Variants in ZNF385B observed in about 807,000 individuals in gnomAD.
ZNF385B encodes the protein zinc finger protein 533.
A neutral mutation model predicts 39.2 loss-of-function variants in ZNF385B; 23 were observed. The ratio of observed to expected loss-of-function variants is 0.59; its 90% CI spans 0.42 to 0.83. ZNF385B has a LOEUF of 0.83. Ranked by LOEUF, ZNF385B falls within the 40% of genes least tolerant of loss-of-function variation. The pLI is 0.00. For missense variants in ZNF385B, 552 were observed against 598.9 expected, an observed-to-expected ratio of 0.92 and a Z score of 0.82; for synonymous variants, 205 against 222.6, an observed-to-expected ratio of 0.92 and a Z score of 0.70.
At chr2:179,616,378 G>C (rs1028151186) in intron 3 of ZNF385B, among the ~76,000 whole-genome samples, 8 of 152,074 alleles carry the variant, frequency 5.3e-5, no homozygotes, top group Non-Finnish European at 1.2e-4. Context: ...CTGTCACCCA[G>C]GCTGGAGTGC....
At chr2:179,772,301 T>C (rs2106508963) in intron 1 of ZNF385B, among the ~76,000 whole-genome samples, 1 of 152,316 alleles carries the variant, frequency 6.6e-6, no homozygotes, top group Non-Finnish European at 1.5e-5. Context: ...TTTTCAACCC[T>C]ATTTTACCTT....
chr2:179,696,325 A>AGTTTTTTTTTTTTT (rs1333224792), intron 3 of ZNF385B, among the ~76,000 whole-genome samples: 1 of 9,838 alleles, frequency 1.0e-4, no homozygotes, highest in Non-Finnish European at 2.6e-4. Context: ...ACAAACTGGG[A>AGTTTTTTTTTTTTT]CTTTTTTTTT....
intron 3 of ZNF385B, among the ~76,000 whole-genome samples, chr2:179,607,619 A>C (rs550637180): frequency 6.6e-6 from 1 of 152,270 alleles, no homozygotes; most frequent in South Asian, 2.1e-4. Context: ...AGGAGCTAAT[A>C]ATGGTTATGC....
intron 1 of ZNF385B, among the ~76,000 whole-genome samples, chr2:179,807,386 T>C (rs1706419558): frequency 6.9e-6 from 1 of 145,806 alleles, no homozygotes; most frequent in South Asian, 2.2e-4. Flanking sequence ...TCACCTGAGG[T>C]CAAGAGTTCG....
intron 6 of ZNF385B, 33 bp from the exon 7 acceptor site, chr2:179,446,803 C>A: frequency 6.4e-7 from 1 of 1,558,112 alleles, no homozygotes; most frequent in South Asian, 1.2e-5. Flanking sequence ...TTATTGAAGC[C>A]TCATATATCA....
At chr2:179,814,011 A>G (rs1706899286) in intron 1 of ZNF385B, among the ~76,000 whole-genome samples, 1 of 152,274 alleles carries the variant, frequency 6.6e-6, no homozygotes, top group Admixed American at 6.5e-5. Context: ...TAACCACAGT[A>G]TCAAATACTC....
intron 3 of ZNF385B, among the ~76,000 whole-genome samples, chr2:179,613,906 G>A (rs934082006): frequency 6.6e-6 from 1 of 152,182 alleles, no homozygotes; most frequent in East Asian, 1.9e-4. Flanking sequence ...TGAGATGTAT[G>A]ATTGCCCTCT....
At chr2:179,499,299 T>G (rs1035494661) in intron 5 of ZNF385B, among the ~76,000 whole-genome samples, 1 of 151,904 alleles carries the variant, frequency 6.6e-6, no homozygotes, top group African/African-American at 2.4e-5. Flanking sequence ...GAGGGAATAC[T>G]CCAAACTCGT....
intron 3 of ZNF385B, among the ~76,000 whole-genome samples, chr2:179,716,719 G>A (rs186042090): frequency 6.6e-6 from 1 of 152,116 alleles, no homozygotes; most frequent in Admixed American, 6.6e-5. Flanking sequence ...TCTGAGGCTA[G>A]GTCATTAAAG....
At position 179,564,543 on chromosome 2, in the gene ZNF385B, G is replaced by A. The variant is rs1684334389; in HGVS notation, c.299-19574C>T. Among the ~76,000 whole-genome samples, 2 of 152,078 alleles carry A rather than the reference G, an allele frequency of 1.3e-5. 1 individual carries two copies. Among genetic ancestry groups the A allele is most frequent in the South Asian group, 4.1e-4 (2 of 4,822 alleles). On this transcript the variant is annotated intron_variant, in intron 3 of 9. Coordinates refer to ENST00000410066, the MANE Select transcript of ZNF385B (RefSeq NM_152520.6). ...TTGCTCCATTCTTGTTAGCCTCTTAGTCTACCAACTATTTGCTCTTACCTT... is the reference window on the plus strand; with the variant it reads ...TTGCTCCATTCTTGTTAGCCTCTTAATCTACCAACTATTTGCTCTTACCTT...
chr2:179,545,398 G>A (rs2060169450), intron 3 of ZNF385B, among the ~76,000 whole-genome samples: 1 of 152,126 alleles, frequency 6.6e-6, no homozygotes, highest in Non-Finnish European at 1.5e-5. Flanking sequence ...GCAAATCAGA[G>A]ATAAATATAG....
At chr2:179,477,441 T>C (rs1197569390) in intron 6 of ZNF385B, among the ~76,000 whole-genome samples, 5 of 152,200 alleles carry the variant, frequency 3.3e-5, no homozygotes. Context: ...TCTTATCTTC[T>C]TTCTCTTCTT....
chr2:179,731,907 C>A (rs530317881), intron 3 of ZNF385B, among the ~76,000 whole-genome samples: 1 of 152,244 alleles, frequency 6.6e-6, no homozygotes. Flanking sequence ...GCTTTGCCAA[C>A]TCTTATTTCT....
chr2:179,650,673 A>G (rs1693117572), intron 3 of ZNF385B, among the ~76,000 whole-genome samples: 1 of 152,230 alleles, frequency 6.6e-6, no homozygotes, highest in Non-Finnish European at 1.5e-5. Context: ...ACTCACATCT[A>G]TTCCATACAG....
chr2:179,562,391 G>T, intron 3 of ZNF385B: 2 of 985,334 alleles, frequency 2.0e-6, no homozygotes, highest in Non-Finnish European at 2.4e-6. Context: ...TCAGTTAGCA[G>T]TGCTTACCTT....
chr2:179,622,914 CATT>C (rs540564874), intron 3 of ZNF385B, among the ~76,000 whole-genome samples: 111 of 152,292 alleles, frequency 7.3e-4, no homozygotes, highest in South Asian at 4.1e-3. Flanking sequence ...GCACTACCAT[CATT>C]ATCAAGGCTT....
intron 6 of ZNF385B, among the ~76,000 whole-genome samples, chr2:179,468,799 G>A (rs1216759044): frequency 6.6e-6 from 1 of 152,108 alleles, no homozygotes; most frequent in Non-Finnish European, 1.5e-5. Flanking sequence ...AAACTTCCAG[G>A]AGACAAGCTT....
chr2:179,621,468 C>T lies in ZNF385B; in HGVS notation c.299-76499G>A, dbSNP rs181316192. ...AACAAAGTATTTGGGAAGAGGGAGC[C>T]GTGATTTGTAGCACTGCCAATGTCT... On this transcript the variant is annotated intron_variant, in intron 3 of 9. Transcript: ENST00000410066. 3.0e-3 allele frequency among the ~76,000 whole-genome samples: 460 copies of T among 152,216 alleles called. 4 individuals carry two copies. The highest frequency in any genetic ancestry group is 0.01 in the African/African-American group (436 of 41,534).
chr2:179,500,194 T>C (rs1303195482), intron 5 of ZNF385B, among the ~76,000 whole-genome samples: 1 of 152,054 alleles, frequency 6.6e-6, no homozygotes, highest in East Asian at 1.9e-4. Context: ...ATTGTTAAAG[T>C]GTCCATACTA....
Sources: allele counts gnomAD v4.1 joint callset (sites outside exome capture counted in the v4.1 genomes callset), GRCh38; gene constraint gnomAD v4.1.1; transcripts MANE v1.5; gene names NCBI Gene and HGNC (gene_info 2026-07-23, HGNC 2026-07-21).